NUB1: variants seen among roughly 807,000 people sequenced by gnomAD.
NUB1 encodes NEDD8 ultimate buster 1.
Under a neutral mutation model 77.1 loss-of-function variants are expected in NUB1, and 41 were observed. The ratio of observed to expected loss-of-function variants is 0.53; its 90% CI spans 0.41 to 0.69. The LOEUF is 0.69. Ranked by LOEUF, NUB1 falls within the 30% of genes least tolerant of loss-of-function variation. The pLI, the probability that NUB1 is intolerant of heterozygous loss-of-function variation, is 0.00. For missense variants in NUB1, 643 were observed against 743.8 expected (o/e 0.86, Z 1.58); for synonymous variants, 257 against 281.0 (o/e 0.91, Z 0.85).
chr7:151,350,973 G>A (rs1025409321), intron 3 of NUB1: 25 of 171,962 alleles, frequency 1.5e-4, no homozygotes, highest in African/African-American at 5.0e-4. Context: ...AAAACATGAT[G>A]CTCAGGGAAG....
chr7:151,367,360 A>G (rs1797741602), intron 9 of NUB1, among the ~76,000 whole-genome samples: 1 of 152,206 alleles, frequency 6.6e-6, no homozygotes, highest in African/African-American at 2.4e-5. Flanking sequence ...CTAGTCATAG[A>G]ACCCCATCAG....
intron 12 of NUB1, among the ~76,000 whole-genome samples, chr7:151,375,298 G>C (rs1035386328): frequency 3.9e-5 from 6 of 152,150 alleles, no homozygotes; most frequent in Non-Finnish European, 1.5e-5. Flanking sequence ...GGGAAATTCT[G>C]AATATTCGAA....
chr7:151,366,610 G>T (rs1243646711), intron 8 of NUB1, among the ~76,000 whole-genome samples: 3 of 152,210 alleles, frequency 2.0e-5, no homozygotes, highest in Admixed American at 6.5e-5. Flanking sequence ...TTAAAGCATG[G>T]TCTTCCCCGT....
intron 8 of NUB1, among the ~76,000 whole-genome samples, chr7:151,362,867 A>G (rs929587775): frequency 1.3e-5 from 2 of 152,248 alleles, no homozygotes; most frequent in African/African-American, 4.8e-5. Flanking sequence ...AGTTCATAGA[A>G]GGCCAGGAAT....
intron 8 of NUB1, among the ~76,000 whole-genome samples, chr7:151,364,686 C>G (rs955115112): frequency 6.6e-6 from 1 of 151,772 alleles, no homozygotes; most frequent in Non-Finnish European, 1.5e-5. Flanking sequence ...CATCATGCCC[C>G]GCTAATTTTT....
chr7:151,356,476 A>G (rs888045833), intron 7 of NUB1, among the ~76,000 whole-genome samples: 3 of 152,236 alleles, frequency 2.0e-5, no homozygotes, highest in Non-Finnish European at 4.4e-5. Context: ...ACCTGAGGAC[A>G]CGACCCACTG....
chr7:151,364,904 AAC>A (rs1374255475), intron 8 of NUB1, among the ~76,000 whole-genome samples: 1 of 152,192 alleles, frequency 6.6e-6, no homozygotes, highest in Non-Finnish European at 1.5e-5. Flanking sequence ...ATGAAAATGT[AAC>A]AGTGTTGAAT....
chr7:151,364,139 C>T (rs895763148), intron 8 of NUB1, among the ~76,000 whole-genome samples: 2 of 146,200 alleles, frequency 1.4e-5, no homozygotes, highest in African/African-American at 5.0e-5. Context: ...AAAGGTAAGC[C>T]TGGCCGGGCG....
chr7:151,360,056 G>T, intron 7 of NUB1, 85 bp from the exon 8 acceptor site: 23 of 604,574 alleles, frequency 3.8e-5, no homozygotes, highest in Middle Eastern at 3.5e-4. Context: ...TTTTTACTTT[G>T]TTTTTTAAAA....
intron 4 of NUB1, among the ~76,000 whole-genome samples, chr7:151,351,916 A>ATCACATAC (rs60437024): frequency 6.6e-6 from 1 of 151,014 alleles, no homozygotes; most frequent in Non-Finnish European, 1.5e-5. Context: ...CCATCTGTAA[A>ATCACATAC]ACACACACAC....
chr7:151,359,492 C>T (rs542928310), intron 7 of NUB1, among the ~76,000 whole-genome samples: 1 of 133,640 alleles, frequency 7.5e-6, no homozygotes, highest in Non-Finnish European at 1.6e-5. Context: ...TTTAAAGATA[C>T]AAGCAGCCGG....
Position 151,378,027 on chromosome 7 carries a change from A to C in NUB1, c.*802A>C, listed in dbSNP as rs1260181178. The C allele has an allele frequency of 6.6e-6, 1 of 152,266 alleles. No homozygotes were observed. Among genetic ancestry groups the C allele is most frequent in the African/African-American group, 2.4e-5 (1 of 41,470 alleles). The allele number at this position is 152,266 out of a possible 1,614,324, so 9.4% of individuals were successfully genotyped here. A position where few individuals can be genotyped will look rare whatever the true frequency, so the allele number is the denominator to read the frequency against. ...CTCACTGCTAGCTAAGAGACCTATC[A>C]GAGATTTAGATATATTTTCTCCAGG... On this transcript the variant is annotated 3_prime_UTR_variant, in exon 15 of 15. Transcript: ENST00000568733.
chr7:151,360,118 T>C, intron 7 of NUB1, 23 bp from the exon 8 acceptor site: 1 of 1,214,758 alleles, frequency 8.2e-7, no homozygotes, highest in South Asian at 1.3e-5. Flanking sequence ...AGTGATGTTT[T>C]TTAAATTTGT....
At chr7:151,365,349 A>G (rs1797620141) in intron 8 of NUB1, among the ~76,000 whole-genome samples, 1 of 148,550 alleles carries the variant, frequency 6.7e-6, no homozygotes, top group Non-Finnish European at 1.5e-5. Flanking sequence ...ACAAATAAAT[A>G]CTCACTCCTG....
chr7:151,374,420 G>GTGAGGCCCCA (rs1177353199), intron 12 of NUB1, 177 bp downstream of exon 12: 4 of 809,324 alleles, frequency 4.9e-6, no homozygotes, highest in Middle Eastern at 2.7e-4. Context: ...GTGAGGCCAC[G>GTGAGGCCCCA]TGAGGCCCCA....
intron 2 of NUB1, among the ~76,000 whole-genome samples, chr7:151,347,408 G>A (rs982666181): frequency 1.0e-4 from 8 of 78,860 alleles, no homozygotes; most frequent in South Asian, 3.8e-4. Flanking sequence ...GTGAGACCCC[G>A]TCTCTAAAAG....
At chr7:151,361,305 A>T (rs969553511) in intron 8 of NUB1, 3 of 152,208 alleles carry the variant, frequency 2.0e-5, no homozygotes, top group Admixed American at 1.3e-4. Context: ...TTATTAACTC[A>T]TGGATTTAAA....
At position 151,352,293 on chromosome 7, in the gene NUB1, G is replaced by A. The variant is rs77551693; in HGVS notation, c.345-519G>A. On this transcript the variant is annotated intron_variant, in intron 4 of 14. Coordinates refer to ENST00000568733, the MANE Select transcript of NUB1 (RefSeq NM_001243351.2). ...TGCCTGAGGAAACAAGCAGTAAAAC[G>A]GAAAGTTTAAAAAGGACCTTGTCTC... 7.6e-3 allele frequency: 2,834 copies of A among 371,814 alleles called. 83 individuals carry two copies. The highest frequency in any genetic ancestry group is 0.055 in the African/African-American group (2,628 of 47,462). The allele number at this position is 371,814 out of a possible 1,614,324, so 23.0% of individuals were successfully genotyped here.
At chr7:151,375,819 T>C in intron 12 of NUB1, 29 bp from the exon 13 acceptor site, 1 of 1,447,146 alleles carries the variant, frequency 6.9e-7, no homozygotes, top group Non-Finnish European at 9.7e-7. Context: ...TTCTTAGTGA[T>C]GGGTAAAGGG....
Sources: allele counts gnomAD v4.1 joint callset (sites outside exome capture counted in the v4.1 genomes callset), GRCh38; gene constraint gnomAD v4.1.1; transcripts MANE v1.5; gene names NCBI Gene and HGNC (gene_info 2026-07-23, HGNC 2026-07-21).